OR9Q1: variants seen among roughly 807,000 people sequenced by gnomAD.
The protein encoded by OR9Q1 is olfactory receptor 9Q1.
For synonymous variants in OR9Q1, 153 were observed against 148.6 expected (o/e 1.03, Z -0.22); for missense variants, 374 against 378.8 (o/e 0.99, Z 0.11).
At chr11:58,123,359 A>T (rs1854055059) in intron 2 of OR9Q1, among the ~76,000 whole-genome samples, 1 of 152,168 alleles carries the variant, frequency 6.6e-6, no homozygotes, top group Non-Finnish European at 1.5e-5. Flanking sequence ...CTCAGTATCT[A>T]CTTCTGAAAT....
At chr11:58,041,578 A>C (rs1853163414) in intron 1 of OR9Q1, 1 of 152,558 alleles carries the variant, frequency 6.6e-6, no homozygotes, top group Non-Finnish European at 1.5e-5. Context: ...CGCTGTGTCA[A>C]GGGGCTTGTG....
intron 2 of OR9Q1, chr11:58,109,698 G>T (rs1233539473): frequency 1.0e-5 from 4 of 400,416 alleles, no homozygotes; most frequent in South Asian, 1.9e-5. Flanking sequence ...AGAAGATAAT[G>T]AAATTGAGAT....
Position 58,181,535 on chromosome 11 carries a change from C to T in OR9Q1, c.*1158C>T, listed in dbSNP as rs1854666035. ...TAAACAAATTTTTATACCTGGAACT[C>T]AAACTTCTTTTCCTGTCTCCTGGAT... On this transcript the variant is annotated 3_prime_UTR_variant, in exon 3 of 3. Transcript: ENST00000335397. 1 of 150,604 alleles carries T rather than the reference C, an allele frequency of 6.6e-6. No homozygotes were observed. The highest frequency in any genetic ancestry group is 1.5e-5 in the Non-Finnish European group (1 of 65,324). The allele number at this position is 150,604 out of a possible 1,614,324, so 9.3% of individuals were successfully genotyped here.
At position 58,180,169 on chromosome 11, in the gene OR9Q1, C is replaced by T; in HGVS notation, c.725C>T (p.Ser242Phe). 5.0e-6 allele frequency: 8 copies of T among 1,614,024 alleles called. No individual in the cohort carries two copies. The highest frequency in any genetic ancestry group is 6.8e-6 in the Non-Finnish European group (8 of 1,179,924). ...GCCAAGACCTTCTCCACCTGCACCT[C>T]CCACCTCACTGCTGTGTCACTCTTC... ...SQAKTFSTCTSHLTAVSLFFG... is the reference protein window; with the variant it reads ...SQAKTFSTCTFHLTAVSLFFG... Residue 242 changes from serine (S) to phenylalanine (F), a missense_variant, in exon 3 of 3, where the codon TCC becomes TTC. Physicochemically the swap from Ser to Phe is radical, Grantham distance 155. Coordinates refer to ENST00000335397, the MANE Select transcript of OR9Q1 (RefSeq NM_001005212.4).
chr11:58,087,120 A>T (rs1360091301), intron 2 of OR9Q1, among the ~76,000 whole-genome samples: 1 of 151,842 alleles, frequency 6.6e-6, no homozygotes, highest in Non-Finnish European at 1.5e-5. Flanking sequence ...AATATATAAT[A>T]TATAAATTAT....
At chr11:58,084,772 G>A (rs918011819) in intron 2 of OR9Q1, among the ~76,000 whole-genome samples, 5 of 151,732 alleles carry the variant, frequency 3.3e-5, no homozygotes, top group Non-Finnish European at 7.4e-5. Context: ...CGACAGACTA[G>A]GCATCAAAGG....
chr11:58,119,491 G>C, intron 2 of OR9Q1: 1 of 1,222,776 alleles, frequency 8.2e-7, no homozygotes, highest in Non-Finnish European at 1.2e-6. Flanking sequence ...GAAATAAAAA[G>C]AATCTCAGAA....
chr11:58,157,579 AG>A (rs1211251483), intron 2 of OR9Q1, among the ~76,000 whole-genome samples: 1 of 152,048 alleles, frequency 6.6e-6, no homozygotes, highest in Non-Finnish European at 1.5e-5. Flanking sequence ...GAAGGAAGGA[AG>A]GATGGAAGGA....
rs35126252 is a variant in OR9Q1 at position 58,024,353 on chromosome 11, G to GTT, written c.-93+257_-93+258dup. Among the ~76,000 whole-genome samples the GTT allele has an allele frequency of 3.3e-5, 5 of 150,720 alleles. No individual in the cohort carries two copies. The South Asian group carries it at 6.3e-4, about 19-fold the overall frequency. On this transcript the variant is annotated intron_variant, in intron 1 of 2. Transcript: ENST00000335397. ...GCCTGCTCACCTCGGTTTGTTGGCT[G>GTT]TTTTTTTTTGAAATCATTTCCTGGA...
rs147110602 is a variant in OR9Q1 at position 58,119,250 on chromosome 11, G to A, written c.-14-60181G>A. The A allele has an allele frequency of 6.8e-5, 109 of 1,614,032 alleles. No individual in the cohort carries two copies. In the East Asian group the frequency reaches 2.4e-3, roughly 36 times the overall value. The stretch of plus-strand genomic sequence containing the variant: ...TGTAACAGGCATCCAGCAGGGAGAG[G>A]TGGCTCAGGAAGAAGTACATTGGGG... On this transcript the variant is annotated intron_variant, in intron 2 of 2. Transcript: ENST00000335397.
intron 2 of OR9Q1, among the ~76,000 whole-genome samples, chr11:58,115,082 G>A (rs1295470004): frequency 1.3e-5 from 2 of 152,104 alleles, no homozygotes; most frequent in African/African-American, 2.4e-5. Context: ...TGGGATAAGC[G>A]TTCAGTTGTA....
At chr11:58,162,808 A>C (rs1854468290) in intron 2 of OR9Q1, among the ~76,000 whole-genome samples, 1 of 152,150 alleles carries the variant, frequency 6.6e-6, no homozygotes, top group Non-Finnish European at 1.5e-5. Context: ...TGTCTTTGTT[A>C]CTGTTTCAGC....
chr11:58,124,875 A>G (rs1467818001), intron 2 of OR9Q1, among the ~76,000 whole-genome samples: 6 of 152,192 alleles, frequency 3.9e-5, no homozygotes, highest in Non-Finnish European at 2.9e-5. Flanking sequence ...AATACTATGC[A>G]TTGTAGACAC....
chr11:58,031,807 C>G (rs952042998), intron 1 of OR9Q1: 70 of 1,613,900 alleles, frequency 4.3e-5, no homozygotes, highest in Non-Finnish European at 5.8e-5. Flanking sequence ...ACTCTGTTGT[C>G]ACGCCCATGC....
At chr11:58,095,023 C>CT (rs1853717166) in intron 2 of OR9Q1, among the ~76,000 whole-genome samples, 1 of 152,224 alleles carries the variant, frequency 6.6e-6, no homozygotes. Context: ...ACTTCTATCT[C>CT]TTGAGTTTAC....
chr11:58,109,176 G>C, intron 2 of OR9Q1: 1 of 490,348 alleles, frequency 2.0e-6, no homozygotes, highest in South Asian at 1.5e-5. Flanking sequence ...GGGTGAAGGT[G>C]CACGTGGTAT....
chr11:58,159,210 T>C (rs563015272), intron 2 of OR9Q1, among the ~76,000 whole-genome samples: 4 of 152,352 alleles, frequency 2.6e-5, no homozygotes, highest in Non-Finnish European at 5.9e-5. Context: ...AAACTGTCTC[T>C]TGGTATGTGC....
intron 2 of OR9Q1, among the ~76,000 whole-genome samples, chr11:58,153,295 TAG>T (rs1478550571): frequency 4.6e-5 from 7 of 152,208 alleles, no homozygotes; most frequent in Admixed American, 2.0e-4. Context: ...CCTTGGCTTT[TAG>T]AGTTTAAGAA....
intron 1 of OR9Q1, among the ~76,000 whole-genome samples, chr11:58,047,820 G>T (rs552317022): frequency 4.0e-4 from 61 of 152,262 alleles, no homozygotes; most frequent in African/African-American, 1.5e-3. Flanking sequence ...GAAGGCGGAG[G>T]TTGCGGTGAG....
Sources: allele counts gnomAD v4.1 joint callset (sites outside exome capture counted in the v4.1 genomes callset), GRCh38; gene constraint gnomAD v4.1.1; transcripts MANE v1.5; gene names NCBI Gene and HGNC (gene_info 2026-07-23, HGNC 2026-07-21).